Variants in SLC24A2 observed in about 807,000 individuals in gnomAD.
The protein encoded by SLC24A2 is sodium/potassium/calcium exchanger 2.
A neutral mutation model predicts 62.0 loss-of-function variants in SLC24A2; 36 were observed. The observed-to-expected ratio is 0.58, with a 90% CI of 0.44 to 0.77. SLC24A2 has a LOEUF of 0.77. Ranked by LOEUF, SLC24A2 falls within the 30% of genes least tolerant of loss-of-function variation. The pLI, the probability that SLC24A2 is intolerant of heterozygous loss-of-function variation, is 0.00. For synonymous variants in SLC24A2, 358 were observed against 294.0 expected (o/e 1.22, Z -2.23); for missense variants, 846 against 817.9 (o/e 1.03, Z -0.42).
intron 2 of SLC24A2, among the ~76,000 whole-genome samples, chr9:19,651,849 G>C (rs1331783774): frequency 1.3e-5 from 2 of 152,178 alleles, no homozygotes; most frequent in African/African-American, 4.8e-5. Flanking sequence ...GTTTCTCTAT[G>C]ACATGCGCCG....
intron 8 of SLC24A2, among the ~76,000 whole-genome samples, chr9:19,531,300 C>G (rs571675831): frequency 1.7e-4 from 26 of 152,312 alleles, no homozygotes; most frequent in Non-Finnish European, 2.6e-4. Context: ...CATCTCTGCC[C>G]AGTAGCAACT....
chr9:20,167,605 C>G, the SLC24A2 span, among the ~76,000 whole-genome samples: 1 of 151,980 alleles, frequency 6.6e-6, no homozygotes, highest in Non-Finnish European at 1.5e-5. Context: ...GATCAGTGTC[C>G]CTTGGACAAA....
At position 19,513,184 on chromosome 9, in the gene SLC24A2, A is replaced by ATATATATATATATATATG. The variant is rs1554665755; in HGVS notation, c.*2968_*2969insCATATATATATATATATA. 2.1e-5 allele frequency: 2 copies of ATATATATATATATATATG among 93,426 alleles called. No individual in the cohort carries two copies. Among genetic ancestry groups the ATATATATATATATATATG allele is most frequent in the African/African-American group, 8.1e-5 (2 of 24,634 alleles). 5.8% of individuals were successfully genotyped at this position (93,426 alleles called of 1,614,324 possible). A position where few individuals can be genotyped will look rare whatever the true frequency, so the allele number is the denominator to read the frequency against. ...TATATATATATATATATGTATATAT[A>ATATATATATATATATATG]TATATATGTATATATTTATATATGT... On this transcript the variant is annotated 3_prime_UTR_variant, in exon 11 of 11. Transcript: ENST00000341998.
At chr9:19,879,468 A>G in the SLC24A2 span, among the ~76,000 whole-genome samples, 1 of 152,218 alleles carries the variant, frequency 6.6e-6, no homozygotes, top group African/African-American at 2.4e-5. Flanking sequence ...TATTTAGTTT[A>G]AAGGAAATAG....
chr9:19,572,040 C>T (rs1434797836), intron 7 of SLC24A2, among the ~76,000 whole-genome samples: 5 of 151,694 alleles, frequency 3.3e-5, no homozygotes, highest in Admixed American at 6.6e-5. Flanking sequence ...GAGGCCAAGG[C>T]GAGTGGATCA....
the SLC24A2 span, among the ~76,000 whole-genome samples, chr9:20,180,121 G>C: frequency 2.0e-5 from 3 of 152,130 alleles, no homozygotes; most frequent in Non-Finnish European, 2.9e-5. Flanking sequence ...GTAGGTTGTG[G>C]AGTTAGAAAA....
At chr9:20,233,716 G>T in the SLC24A2 span, among the ~76,000 whole-genome samples, 1 of 152,132 alleles carries the variant, frequency 6.6e-6, no homozygotes, top group African/African-American at 2.4e-5. Flanking sequence ...GAAGCATTTA[G>T]TCCATTTACA....
the SLC24A2 span, among the ~76,000 whole-genome samples, chr9:20,220,429 G>A: frequency 6.6e-6 from 1 of 152,114 alleles, no homozygotes. Flanking sequence ...TTCAATCAGA[G>A]CTCCATATGG....
chr9:19,669,496 C>A (rs13285237), intron 2 of SLC24A2, among the ~76,000 whole-genome samples: 6 of 152,222 alleles, frequency 3.9e-5, no homozygotes, highest in African/African-American at 1.2e-4. Flanking sequence ...ACTTAAACTA[C>A]ACAAACTTAT....
the SLC24A2 span, among the ~76,000 whole-genome samples, chr9:19,844,483 T>G: frequency 3.9e-4 from 60 of 152,204 alleles, no homozygotes; most frequent in Non-Finnish European, 1.0e-4. Context: ...ACTCATATGA[T>G]AGTTTCTTTT....
At chr9:19,519,610 C>T (rs1233077986) in intron 10 of SLC24A2, among the ~76,000 whole-genome samples, 2 of 152,114 alleles carry the variant, frequency 1.3e-5, no homozygotes, top group African/African-American at 4.8e-5. Flanking sequence ...CAAACAACTA[C>T]CAGTGATAGC....
the SLC24A2 span, among the ~76,000 whole-genome samples, chr9:20,197,161 A>G: frequency 1.3e-4 from 20 of 152,192 alleles, no homozygotes; most frequent in African/African-American, 4.6e-4. Flanking sequence ...TAGAATTTCT[A>G]TATTACTTGG....
intron 2 of SLC24A2, among the ~76,000 whole-genome samples, chr9:19,780,952 A>G (rs968312873): frequency 2.0e-5 from 3 of 151,998 alleles, no homozygotes; most frequent in Non-Finnish European, 4.4e-5. Context: ...AAATTCAAAA[A>G]AAGGCAAGAA....
intron 2 of SLC24A2, among the ~76,000 whole-genome samples, chr9:19,712,142 G>T (rs1381209766): frequency 6.6e-6 from 1 of 152,208 alleles, no homozygotes; most frequent in Non-Finnish European, 1.5e-5. Context: ...ACAGAAAACG[G>T]CTCCAGAGAC....
At chr9:19,713,445 G>A (rs578224030) in intron 2 of SLC24A2, among the ~76,000 whole-genome samples, 12 of 152,236 alleles carry the variant, frequency 7.9e-5, no homozygotes, top group Admixed American at 2.6e-4. Flanking sequence ...CTTTGAATGC[G>A]AAAATAAATT....
At chr9:20,060,515 T>C in the SLC24A2 span, among the ~76,000 whole-genome samples, 3 of 152,140 alleles carry the variant, frequency 2.0e-5, no homozygotes, top group Non-Finnish European at 4.4e-5. Flanking sequence ...ATTACTTTTA[T>C]ACACCGTTGT....
At chr9:19,901,886 T>A in the SLC24A2 span, among the ~76,000 whole-genome samples, 1 of 152,162 alleles carries the variant, frequency 6.6e-6, no homozygotes, top group African/African-American at 2.4e-5. Flanking sequence ...TGTTGGTCAG[T>A]TAGTCAGTAG....
chr9:20,238,061 C>T, the SLC24A2 span, among the ~76,000 whole-genome samples: 2 of 152,130 alleles, frequency 1.3e-5, no homozygotes, highest in Non-Finnish European at 2.9e-5. Context: ...GACGTAAGGA[C>T]CCTTGGGCTG....
chr9:20,304,725 G>A, the SLC24A2 span, among the ~76,000 whole-genome samples: 11 of 152,178 alleles, frequency 7.2e-5, no homozygotes, highest in Non-Finnish European at 1.3e-4. Flanking sequence ...TATATAAAAT[G>A]AGATAGCCCT....
Sources: allele counts gnomAD v4.1 joint callset (sites outside exome capture counted in the v4.1 genomes callset), GRCh38; gene constraint gnomAD v4.1.1; transcripts MANE v1.5; gene names NCBI Gene and HGNC (gene_info 2026-07-23, HGNC 2026-07-21).